The following RBMS3 variants were observed in gnomAD, a reference collection of about 807,000 sequenced individuals.
RBMS3 encodes the protein RNA-binding motif, single-stranded-interacting protein 3.
RBMS3 carries 27 observed loss-of-function variants against 66.8 expected under a neutral mutation model. The ratio of observed to expected loss-of-function variants is 0.40; its 90% confidence interval spans 0.30 to 0.56. RBMS3 has a LOEUF of 0.56. RBMS3 is among the 20% of genes least tolerant of loss of function. RBMS3 has a pLI of 0.40. For missense variants in RBMS3, 513 were observed against 549.5 expected (o/e 0.93, Z 0.66); for synonymous variants, 188 against 183.0 (o/e 1.03, Z -0.22).
At chr3:29,289,454 G>A (rs1464239707) in intron 1 of RBMS3, among the ~76,000 whole-genome samples, 1 of 151,828 alleles carries the variant, frequency 6.6e-6, no homozygotes, top group Admixed American at 6.6e-5. Context: ...TGAAAATTAT[G>A]TTGTAGAATA....
At chr3:29,330,139 A>G (rs1196162838) in intron 1 of RBMS3, among the ~76,000 whole-genome samples, 2 of 152,058 alleles carry the variant, frequency 1.3e-5, no homozygotes, top group Admixed American at 1.3e-4. Context: ...GTGTTTGGAC[A>G]AAACAGATCT....
intron 5 of RBMS3, among the ~76,000 whole-genome samples, chr3:29,747,626 C>A (rs1029920027): frequency 6.6e-6 from 1 of 152,086 alleles, no homozygotes; most frequent in Non-Finnish European, 1.5e-5. Flanking sequence ...AATCTGGGTT[C>A]TTTTCTCATG....
intron 6 of RBMS3, among the ~76,000 whole-genome samples, chr3:29,818,212 T>C (rs1057477647): frequency 3.8e-4 from 58 of 152,248 alleles, no homozygotes; most frequent in African/African-American, 1.4e-3. Flanking sequence ...AATCAATAAC[T>C]AGTAAATGAC....
intron 6 of RBMS3, among the ~76,000 whole-genome samples, chr3:29,787,037 C>G (rs369563039): frequency 9.9e-5 from 15 of 152,026 alleles, no homozygotes; most frequent in East Asian, 3.9e-4. Context: ...ATAGACAATT[C>G]TCAAAAGAAG....
chr3:29,834,769 A>G (rs1048628675), intron 6 of RBMS3, among the ~76,000 whole-genome samples: 4 of 152,070 alleles, frequency 2.6e-5, no homozygotes. Context: ...AAAGGGCAAT[A>G]GTAAGTCTTT....
intron 1 of RBMS3, among the ~76,000 whole-genome samples, chr3:29,366,162 TA>T (rs1304971972): frequency 6.6e-6 from 1 of 152,224 alleles, no homozygotes; most frequent in Non-Finnish European, 1.5e-5. Flanking sequence ...AAGTCAGGTT[TA>T]TTTTTTTCAT....
intron 10 of RBMS3, among the ~76,000 whole-genome samples, chr3:29,905,495 C>T (rs1333072438): frequency 6.6e-6 from 1 of 151,620 alleles, no homozygotes; most frequent in Non-Finnish European, 1.5e-5. Context: ...CCAAAGAAAC[C>T]CTCTATATTT....
chr3:29,419,924 C>G (rs2040632835), intron 1 of RBMS3, among the ~76,000 whole-genome samples: 1 of 152,142 alleles, frequency 6.6e-6, no homozygotes, highest in South Asian at 2.1e-4. Flanking sequence ...TATTGTAGTT[C>G]ATGCTATGCT....
intron 6 of RBMS3, among the ~76,000 whole-genome samples, chr3:29,843,529 AT>A (rs2058710944): frequency 6.6e-6 from 1 of 152,204 alleles, no homozygotes; most frequent in African/African-American, 2.4e-5. Flanking sequence ...ATAATCTATA[AT>A]CAAAATCCTT....
intron 7 of RBMS3, among the ~76,000 whole-genome samples, chr3:29,869,830 A>G (rs1441570890): frequency 6.6e-6 from 1 of 152,214 alleles, no homozygotes; most frequent in Non-Finnish European, 1.5e-5. Context: ...TTTCATTCAA[A>G]GCACCTACTT....
intron 4 of RBMS3, among the ~76,000 whole-genome samples, chr3:29,716,949 G>A (rs184233770): frequency 3.3e-4 from 50 of 151,980 alleles, no homozygotes; most frequent in Middle Eastern, 3.4e-3. Context: ...TATATAATAC[G>A]TATTTTCTTT....
At chr3:29,817,344 C>T (rs967879280) in intron 6 of RBMS3, among the ~76,000 whole-genome samples, 4 of 151,942 alleles carry the variant, frequency 2.6e-5, no homozygotes, top group Non-Finnish European at 5.9e-5. Context: ...ACTGGGATTA[C>T]AGGCGTCCAC....
At chr3:29,694,361 C>T (rs970785381) in intron 4 of RBMS3, among the ~76,000 whole-genome samples, 32 of 152,174 alleles carry the variant, frequency 2.1e-4, no homozygotes, top group Admixed American at 1.7e-3. Flanking sequence ...ACAAATTTCT[C>T]TACTATTTTG....
chr3:29,619,886 C>T (rs1056464373), intron 4 of RBMS3, among the ~76,000 whole-genome samples: 1 of 151,602 alleles, frequency 6.6e-6, no homozygotes, highest in Non-Finnish European at 1.5e-5. Flanking sequence ...TTTTTTTACA[C>T]GTGAGGCTGT....
chr3:29,924,078 G>A (rs1414937460), intron 10 of RBMS3, among the ~76,000 whole-genome samples: 1 of 152,126 alleles, frequency 6.6e-6, no homozygotes, highest in Non-Finnish European at 1.5e-5. Flanking sequence ...GAATATTCTT[G>A]CACAATACAA....
At chr3:29,603,697 C>T (rs1392403257) in intron 4 of RBMS3, among the ~76,000 whole-genome samples, 1 of 151,874 alleles carries the variant, frequency 6.6e-6, no homozygotes, top group African/African-American at 2.4e-5. Flanking sequence ...AAACCAATAA[C>T]AAGTAAGATA....
intron 10 of RBMS3, among the ~76,000 whole-genome samples, chr3:29,903,989 T>C (rs1407693914): frequency 2.0e-5 from 3 of 152,004 alleles, no homozygotes; most frequent in Non-Finnish European, 4.4e-5. Flanking sequence ...TTGGTCATTC[T>C]TTGCCCTTAA....
At chr3:29,500,134 T>G (rs1425850605) in intron 3 of RBMS3, among the ~76,000 whole-genome samples, 1 of 151,248 alleles carries the variant, frequency 6.6e-6, no homozygotes, top group Admixed American at 6.6e-5. Context: ...AAAAAAATAG[T>G]ATTAAGACAC....
chr3:29,502,366 A>G (rs1206024271), intron 3 of RBMS3, among the ~76,000 whole-genome samples: 1 of 152,098 alleles, frequency 6.6e-6, no homozygotes, highest in Non-Finnish European at 1.5e-5. Context: ...AGGTCTCTCC[A>G]CTGTTTCACT....
Sources: gnomAD v4.1 joint callset for allele counts (sites outside exome capture counted in the v4.1 genomes callset) on GRCh38, gnomAD v4.1.1 for gene constraint, MANE v1.5 for transcripts, NCBI Gene and HGNC (gene_info 2026-07-23, HGNC 2026-07-21) for gene names.